Variants in VWA8 observed in about 807,000 individuals in gnomAD.
VWA8 encodes the protein von Willebrand factor A domain-containing protein 8.
Under a neutral mutation model 241.5 loss-of-function variants are expected in VWA8, and 221 were observed. The observed-to-expected ratio is 0.91, with a 90% confidence interval of 0.82 to 1.02. VWA8 has a LOEUF of 1.02. Among genes scored for constraint, VWA8 ranks in the 50% least tolerant of loss-of-function variants. VWA8 has a pLI of 0.00. For missense variants in VWA8, 2,322 were observed against 2,328.7 expected, an observed-to-expected ratio of 1.00 and a Z score of 0.06; for synonymous variants, 852 against 827.1, an observed-to-expected ratio of 1.03 and a Z score of -0.52.
At chr13:41,596,950 G>A (rs1482860767) in intron 40 of VWA8, among the ~76,000 whole-genome samples, 3 of 151,714 alleles carry the variant, frequency 2.0e-5, no homozygotes, top group African/African-American at 7.3e-5. Flanking sequence ...TTATATCTTT[G>A]CTTATTTGGG....
chr13:41,913,726 C>T (rs1876118745), intron 2 of VWA8, among the ~76,000 whole-genome samples: 1 of 152,218 alleles, frequency 6.6e-6, no homozygotes, highest in Non-Finnish European at 1.5e-5. Context: ...TATCATGTCA[C>T]TGGAGTCACA....
At chr13:41,572,625 T>C (rs544294151) in intron 43 of VWA8, among the ~76,000 whole-genome samples, 1 of 151,780 alleles carries the variant, frequency 6.6e-6, no homozygotes, top group African/African-American at 2.4e-5. Context: ...CACCACTCCC[T>C]AATCTCAAGT....
intron 42 of VWA8, among the ~76,000 whole-genome samples, chr13:41,586,210 G>A: frequency 6.6e-6 from 1 of 151,926 alleles, no homozygotes; most frequent in Non-Finnish European, 1.5e-5. Flanking sequence ...GAGCAAGGGT[G>A]AAGAAAAGGA....
chr13:41,952,881 G>A (rs1878198551), intron 1 of VWA8, among the ~76,000 whole-genome samples: 2 of 152,050 alleles, frequency 1.3e-5, no homozygotes, highest in Admixed American at 6.6e-5. Context: ...CAAAAAAGAT[G>A]GTGCAGTATC....
At chr13:41,940,093 C>G (rs1001752733) in intron 2 of VWA8, among the ~76,000 whole-genome samples, 3 of 152,012 alleles carry the variant, frequency 2.0e-5, no homozygotes, top group Admixed American at 2.0e-4. Context: ...AAAGGAAAAC[C>G]AAACTGAAGT....
rs554205029 is a variant in VWA8 at position 41,831,421 on chromosome 13, G to A, written c.1587-779C>T. On this transcript the variant is annotated intron_variant, in intron 13 of 44. Transcript: ENST00000379310. Reference sequence around the variant, plus strand: ...TCTCTAAACTCTCGTCTTCCATAACGTTAAGGCAACAGTCACAACTTCACA... The same window carrying A: ...TCTCTAAACTCTCGTCTTCCATAACATTAAGGCAACAGTCACAACTTCACA... Among the ~76,000 whole-genome samples, 9 of 152,208 alleles carry A rather than the reference G, an allele frequency of 5.9e-5. No individual in the cohort carries two copies. In the East Asian group the frequency reaches 7.7e-4, roughly 13 times the overall value.
intron 12 of VWA8, 166 bp downstream of exon 12, chr13:41,865,570 T>C: frequency 1.4e-6 from 1 of 696,080 alleles, no homozygotes; most frequent in East Asian, 2.9e-5. Flanking sequence ...TTTCAAAAGC[T>C]CCAAAGAATT....
At chr13:41,621,858 A>T (rs1484238948) in intron 37 of VWA8, among the ~76,000 whole-genome samples, 1 of 152,164 alleles carries the variant, frequency 6.6e-6, no homozygotes, top group Admixed American at 6.5e-5. Context: ...AGGAATTGGC[A>T]TGTTCTTTGC....
At chr13:41,574,322 C>T (rs1259330400) in intron 43 of VWA8, among the ~76,000 whole-genome samples, 1 of 152,092 alleles carries the variant, frequency 6.6e-6, no homozygotes, top group Non-Finnish European at 1.5e-5. Flanking sequence ...ATCTCTTTTA[C>T]AATAGCTGCA....
chr13:41,784,906 T>C (rs1348344829), intron 18 of VWA8, among the ~76,000 whole-genome samples: 1 of 150,994 alleles, frequency 6.6e-6, no homozygotes, highest in Non-Finnish European at 1.5e-5. Flanking sequence ...TGCAATTATT[T>C]TGTAATAATA....
chr13:41,702,317 G>T (rs2045255752), intron 27 of VWA8, among the ~76,000 whole-genome samples: 1 of 152,184 alleles, frequency 6.6e-6, no homozygotes, highest in Non-Finnish European at 1.5e-5. Context: ...GAGGGCTAGG[G>T]AGTAAGAAAC....
At chr13:41,896,765 G>A (rs1875128187) in intron 4 of VWA8, among the ~76,000 whole-genome samples, 1 of 152,150 alleles carries the variant, frequency 6.6e-6, no homozygotes, top group African/African-American at 2.4e-5. Context: ...TCCAGTGTCA[G>A]TAAGATTAAG....
At chr13:41,741,589 A>T (rs995637755) in intron 21 of VWA8, among the ~76,000 whole-genome samples, 2 of 152,234 alleles carry the variant, frequency 1.3e-5, no homozygotes, top group African/African-American at 4.8e-5. Flanking sequence ...AGACAAGGGT[A>T]TAACATTTTT....
At chr13:41,881,879 G>A (rs1874228482) in intron 9 of VWA8, among the ~76,000 whole-genome samples, 1 of 148,238 alleles carries the variant, frequency 6.7e-6, no homozygotes, top group Non-Finnish European at 1.5e-5. Flanking sequence ...CTCCCTCCCG[G>A]ACGGGGCGGC....
intron 17 of VWA8, 89 bp downstream of exon 17, chr13:41,811,136 A>G: frequency 1.8e-6 from 2 of 1,118,024 alleles, no homozygotes; most frequent in Non-Finnish European, 2.6e-6. Context: ...TATTTTGAAG[A>G]ATTGGGAATA....
At chr13:41,842,538 TC>T (rs1330095574) in intron 12 of VWA8, among the ~76,000 whole-genome samples, 1 of 152,230 alleles carries the variant, frequency 6.6e-6, no homozygotes, top group Admixed American at 6.5e-5. Flanking sequence ...TTCAAGATGA[TC>T]TGCTTTAGTT....
chr13:41,704,423 C>T (rs998267175), intron 26 of VWA8, among the ~76,000 whole-genome samples: 1 of 151,414 alleles, frequency 6.6e-6, no homozygotes, highest in East Asian at 1.9e-4. Context: ...CATGGCAATA[C>T]TAAAGTATAA....
intron 1 of VWA8, among the ~76,000 whole-genome samples, chr13:41,957,236 G>A (rs534473345): frequency 3.9e-5 from 6 of 152,262 alleles, no homozygotes; most frequent in Admixed American, 6.5e-5. Context: ...TGCTGTTCTC[G>A]TGGTAGTGAA....
At chr13:41,908,590 G>C (rs921983217) in intron 3 of VWA8, among the ~76,000 whole-genome samples, 3 of 151,904 alleles carry the variant, frequency 2.0e-5, no homozygotes, top group Non-Finnish European at 4.4e-5. Context: ...TGATGAAAAA[G>C]GAGGAGGAAA....
Sources: gnomAD v4.1 joint callset for allele counts (sites outside exome capture counted in the v4.1 genomes callset) on GRCh38, gnomAD v4.1.1 for gene constraint, MANE v1.5 for transcripts, NCBI Gene and HGNC (gene_info 2026-07-23, HGNC 2026-07-21) for gene names.